Variants in TMTC1 observed in about 807,000 individuals in gnomAD.
TMTC1 encodes the protein transmembrane O-mannosyltransferase targeting cadherins 1.
TMTC1 carries 73 observed loss-of-function variants against 104.8 expected under a neutral mutation model. The ratio of observed to expected loss-of-function variants is 0.70; its 90% CI spans 0.58 to 0.85. The LOEUF (loss-of-function observed/expected upper bound fraction) is 0.85, where lower values mean the gene tolerates loss of function less well. Ranked by LOEUF, TMTC1 falls within the 40% of genes least tolerant of loss-of-function variation. TMTC1 has a pLI of 0.00. For synonymous variants in TMTC1, 434 were observed against 428.7 expected (o/e 1.01, Z -0.15); for missense variants, 1,035 against 1,096.1 (o/e 0.94, Z 0.79).
chr12:29,631,110 T>G (rs1938273649), intron 6 of TMTC1, among the ~76,000 whole-genome samples: 1 of 152,218 alleles, frequency 6.6e-6, no homozygotes, highest in South Asian at 2.1e-4. Context: ...GTTTTTGCCT[T>G]GTTAATCTTG....
chr12:29,720,226 A>G (rs984534637), intron 5 of TMTC1, among the ~76,000 whole-genome samples: 1 of 152,146 alleles, frequency 6.6e-6, no homozygotes, highest in Non-Finnish European at 1.5e-5. Context: ...CACTAAATCC[A>G]TACTCTTTCT....
rs1249975660 is a variant in TMTC1 at position 29,783,898 on chromosome 12, TC to T, written c.-148del. ...TGGACCCGCCGCGAGCTCCCCGCGC[TC>T]CGCCGCCGCCTGCGCCGCGGAGTTG... is the stretch of plus-strand genomic sequence containing the variant. On this transcript the variant is annotated 5_prime_UTR_variant, in exon 1 of 18. Transcript: ENST00000539277. This position sits in a 1 kb window ranked among gnomAD's most constrained non-coding sequence, Gnocchi z 4.7. 1.3e-6 allele frequency: 1 copy of T among 759,060 alleles called. No individual in the cohort carries two copies. Among genetic ancestry groups the T allele is most frequent in the Admixed American group, 5.7e-5 (1 of 17,502 alleles). 47.0% of individuals were successfully genotyped at this position (759,060 alleles called of 1,614,324 possible).
chr12:29,765,115 A>G (rs1033431157), intron 2 of TMTC1, among the ~76,000 whole-genome samples: 3 of 152,188 alleles, frequency 2.0e-5, no homozygotes, highest in African/African-American at 7.2e-5. Context: ...CACATATTCT[A>G]TATGTCTAGT....
At chr12:29,550,711 C>T (rs1228482290) in intron 10 of TMTC1, among the ~76,000 whole-genome samples, 1 of 151,988 alleles carries the variant, frequency 6.6e-6, no homozygotes, top group Non-Finnish European at 1.5e-5. Context: ...AGCACAGGAA[C>T]TTGGTGATGG....
In TMTC1 at chr12:29,633,261, C is replaced by G; in HGVS notation, c.1014G>C (p.Trp338Cys). 2 of 1,613,918 alleles carry G rather than the reference C, an allele frequency of 1.2e-6. No homozygotes were observed. Among genetic ancestry groups the G allele is most frequent in the Non-Finnish European group, 1.7e-6 (2 of 1,179,948 alleles). The part of the protein sequence containing the change: ...LLAPVTLCYD[W>C]QVGSIPLVET... Reference sequence around the variant, plus strand: ...CTACCAGAGGAATACTGCCGACCTGCCAGTCATAGCACAGGGTCACGGGTG... The same window carrying G: ...CTACCAGAGGAATACTGCCGACCTGGCAGTCATAGCACAGGGTCACGGGTG... Residue 338 changes from tryptophan (W) to cysteine (C), a missense_variant, in exon 6 of 18, where the codon TGG becomes TGC. Transcript: ENST00000539277.
intron 5 of TMTC1, among the ~76,000 whole-genome samples, chr12:29,666,849 T>C (rs1298902434): frequency 1.3e-5 from 2 of 152,224 alleles, no homozygotes; most frequent in African/African-American, 4.8e-5. Context: ...TAAACAGTGA[T>C]ATATGAAATT....
chr12:29,750,321 T>G (rs1374907090), intron 5 of TMTC1, among the ~76,000 whole-genome samples: 1 of 152,180 alleles, frequency 6.6e-6, no homozygotes, highest in Non-Finnish European at 1.5e-5. Flanking sequence ...CCAACCCAAA[T>G]GCCCCCAGGC....
intron 5 of TMTC1, among the ~76,000 whole-genome samples, chr12:29,665,633 A>T (rs1257703141): frequency 6.6e-6 from 1 of 152,216 alleles, no homozygotes; most frequent in East Asian, 1.9e-4. Context: ...TAAATAATTG[A>T]TCATATGACA....
At chr12:29,570,531 A>G (rs1009436522) in intron 9 of TMTC1, among the ~76,000 whole-genome samples, 4 of 152,192 alleles carry the variant, frequency 2.6e-5, no homozygotes, top group African/African-American at 4.8e-5. Flanking sequence ...AGCAAACTTG[A>G]TATCTACGGT....
intron 2 of TMTC1, among the ~76,000 whole-genome samples, chr12:29,762,663 A>G (rs2120412093): frequency 6.6e-6 from 1 of 152,376 alleles, no homozygotes; most frequent in African/African-American, 2.4e-5. Context: ...CATTGGCAAT[A>G]CAGAGCTGAA....
chr12:29,685,106 G>A (rs10219522), intron 5 of TMTC1, among the ~76,000 whole-genome samples: 30,739 of 151,332 alleles, frequency 0.2, 3,454 homozygotes, highest in East Asian at 0.3. Context: ...CGCATTTACC[G>A]ACATTGTAAA....
At chr12:29,611,874 T>C (rs1946854279) in intron 6 of TMTC1, among the ~76,000 whole-genome samples, 1 of 152,106 alleles carries the variant, frequency 6.6e-6, no homozygotes, top group African/African-American at 2.4e-5. Context: ...AAAACAAATA[T>C]CTTTCAAGCA....
intron 6 of TMTC1, among the ~76,000 whole-genome samples, chr12:29,630,237 T>G (rs2136495745): frequency 6.6e-6 from 1 of 152,260 alleles, no homozygotes; most frequent in South Asian, 2.1e-4. Context: ...AGAAAACAGG[T>G]TTAATTGACT....
chr12:29,624,259 C>A (rs113861039), intron 6 of TMTC1, among the ~76,000 whole-genome samples: 2 of 152,064 alleles, frequency 1.3e-5, no homozygotes, highest in East Asian at 3.9e-4. Context: ...GGATTACAGG[C>A]GTGAGCCACT....
chr12:29,524,666 T>C (rs1313544781), intron 11 of TMTC1, among the ~76,000 whole-genome samples: 1 of 152,184 alleles, frequency 6.6e-6, no homozygotes, highest in African/African-American at 2.4e-5. Flanking sequence ...TGAAGGCCCC[T>C]GGCAGTGTTG....
At chr12:29,589,496 C>T (rs1946225141) in intron 7 of TMTC1, among the ~76,000 whole-genome samples, 1 of 152,200 alleles carries the variant, frequency 6.6e-6, no homozygotes, top group African/African-American at 2.4e-5. Flanking sequence ...TTTGACTTGA[C>T]CAGCTGATTC....
At chr12:29,511,961 C>G in intron 17 of TMTC1, 82 bp downstream of exon 17, 1 of 1,297,390 alleles carries the variant, frequency 7.7e-7, no homozygotes, top group Non-Finnish European at 1.1e-6. Context: ...AACAATAGTT[C>G]CTCAATCCTT....
chr12:29,512,445 C>CT (rs1943866198), intron 16 of TMTC1, among the ~76,000 whole-genome samples: 1 of 152,018 alleles, frequency 6.6e-6, no homozygotes, highest in Non-Finnish European at 1.5e-5. Context: ...ACTTTCTGGC[C>CT]TTTTTTCACT....
intron 10 of TMTC1, 62 bp downstream of exon 10, chr12:29,556,795 G>A (rs1279744621): frequency 1.2e-6 from 2 of 1,602,430 alleles, no homozygotes; most frequent in African/African-American, 2.7e-5. Context: ...AATGAGTGTT[G>A]AGAAGGAAAG....
Sources: gnomAD v4.1 joint callset for allele counts (sites outside exome capture counted in the v4.1 genomes callset) on GRCh38, gnomAD v4.1.1 for gene constraint, Gnocchi (gnomAD v3.1) non-coding constraint, MANE v1.5 for transcripts, NCBI Gene and HGNC (gene_info 2026-07-23, HGNC 2026-07-21) for gene names.